The following PUM1 variants were observed in gnomAD, a reference collection of about 807,000 sequenced individuals.
PUM1 encodes pumilio RNA binding family member 1, also known as pumilio homolog 1.
Under a neutral mutation model 131.8 loss-of-function variants are expected in PUM1, and 13 were observed. That is an observed-to-expected ratio of 0.10 (90% CI 0.06 to 0.16). The LOEUF (loss-of-function observed/expected upper bound fraction) is 0.16, where lower values mean the gene tolerates loss of function less well. PUM1 is among the 10% of genes least tolerant of loss of function. The pLI, the probability that PUM1 is intolerant of heterozygous loss-of-function variation, is 1.00. For missense variants in PUM1, 961 were observed against 1,512.4 expected, an observed-to-expected ratio of 0.64 and a Z score of 6.05; for synonymous variants, 509 against 556.5, an observed-to-expected ratio of 0.91 and a Z score of 1.20.
intron 12 of PUM1, 66 bp downstream of exon 12, chr1:30,967,101 T>C: frequency 2.5e-6 from 4 of 1,583,930 alleles, no homozygotes; most frequent in Non-Finnish European, 3.5e-6. Flanking sequence ...CAACATACTT[T>C]AAGAATCTCA....
At chr1:31,055,644 T>C (rs1644219592) in intron 2 of PUM1, among the ~76,000 whole-genome samples, 1 of 152,208 alleles carries the variant, frequency 6.6e-6, no homozygotes, top group African/African-American at 2.4e-5. Context: ...GAAACAGGTT[T>C]TGCCATTTAC....
chr1:30,941,919 T>A (rs1397217633), intron 19 of PUM1, 79 bp downstream of exon 19: 1 of 1,357,768 alleles, frequency 7.4e-7, no homozygotes, highest in East Asian at 3.3e-5. Context: ...TTCTGGAACC[T>A]ACACTGACAA....
In PUM1 at chr1:31,033,813, T is replaced by C. The variant is rs560388214; in HGVS notation, c.364-4949A>G. On this transcript the variant is annotated intron_variant, in intron 2 of 21. Coordinates refer to ENST00000426105, the MANE Select transcript of PUM1 (RefSeq NM_001020658.2). ...ACACACCACCACACCCAGCTAATTG[T>C]TTTTAATTTTTTTGTAGAGACAAGG... 2.9e-4 allele frequency among the ~76,000 whole-genome samples: 44 copies of C among 152,214 alleles called. 1 individual carries two copies. The South Asian group carries it at 8.3e-3, about 29-fold the overall frequency.
chr1:30,987,730 G>A (rs1641621940), intron 7 of PUM1, among the ~76,000 whole-genome samples: 1 of 152,168 alleles, frequency 6.6e-6, no homozygotes, highest in South Asian at 2.1e-4. Context: ...CTCCAAGTCA[G>A]AGGTTCTGAA....
At chr1:31,059,989 G>A (rs1245612942) in intron 1 of PUM1, among the ~76,000 whole-genome samples, 1 of 151,518 alleles carries the variant, frequency 6.6e-6, no homozygotes, top group Non-Finnish European at 1.5e-5. Flanking sequence ...TGGTACTACA[G>A]GCGCCCACCA....
chr1:30,965,589 C>T (rs900337371), intron 13 of PUM1, among the ~76,000 whole-genome samples: 2 of 152,204 alleles, frequency 1.3e-5, no homozygotes, highest in African/African-American at 4.8e-5. Context: ...AAACTTGTAA[C>T]TCTTTAAGGC....
At chr1:30,965,223 A>T (rs1225053826) in intron 13 of PUM1, among the ~76,000 whole-genome samples, 1 of 152,190 alleles carries the variant, frequency 6.6e-6, no homozygotes, top group Non-Finnish European at 1.5e-5. Context: ...GGACTAGAAG[A>T]ATGCCTTTCA....
At chr1:31,021,919 T>C (rs1431056083) in intron 3 of PUM1, among the ~76,000 whole-genome samples, 2 of 152,004 alleles carry the variant, frequency 1.3e-5, no homozygotes, top group African/African-American at 4.8e-5. Flanking sequence ...AATGATTACA[T>C]TAACTTCTCT....
Position 30,936,635 on chromosome 1 carries a change from C to T in PUM1, c.3435+8G>A, listed in dbSNP as rs752935491. 1.6e-5 allele frequency: 26 copies of T among 1,609,610 alleles called. No individual in the cohort carries two copies. The highest frequency in any genetic ancestry group is 8.9e-5 in the East Asian group (4 of 44,814). On this transcript the variant is annotated splice_region_variant and intron_variant, in intron 21 of 21. Transcript: ENST00000426105. ...ACTTTCTCTGAGACCCTGCCCAGCC[C>T]GGCCTACCTTATGCATGACGATCTT...
chr1:30,945,315 GT>G, intron 18 of PUM1, 30 bp downstream of exon 18: 2 of 1,607,870 alleles, frequency 1.2e-6, no homozygotes, highest in Non-Finnish European at 1.7e-6. Context: ...AAATAAATTT[GT>G]TTCCATTATT....
At chr1:31,063,647 CAAA>C (rs778457828) in intron 1 of PUM1, among the ~76,000 whole-genome samples, 11 of 152,108 alleles carry the variant, frequency 7.2e-5, no homozygotes, top group Non-Finnish European at 1.6e-4. Flanking sequence ...AGTTATCTAA[CAAA>C]GAATATCCAC....
chr1:31,005,790 A>G, intron 5 of PUM1, 63 bp downstream of exon 5: 1 of 1,336,618 alleles, frequency 7.5e-7, no homozygotes, highest in Non-Finnish European at 9.7e-7. Flanking sequence ...TAGGGGAAAA[A>G]AAGAGAGAGA....
At chr1:31,048,670 T>G (rs1208477485) in intron 2 of PUM1, among the ~76,000 whole-genome samples, 16 of 151,482 alleles carry the variant, frequency 1.1e-4, no homozygotes, top group Admixed American at 1.1e-3. Flanking sequence ...GAGACGGGGT[T>G]TCACTGTGTT....
rs201450118 is a variant in PUM1, at chr1:30,942,042, G to A, written c.3076C>T (p.Pro1026Ser). ...TGCTGGTGAAGCTCCTCTAAAATAG[G>A]GAGTGTCTGGTCAGGGAGACAGTGC... Reference protein sequence around the residue: ...LEHCLPDQTLPILEELHQHTE... With the variant: ...LEHCLPDQTLSILEELHQHTE... Residue 1026 changes from proline (P) to serine (S), a missense_variant, in exon 19 of 22, where the codon CCT becomes TCT. By Grantham distance (74) the Pro-to-Ser change is moderately conservative. Transcript: ENST00000426105. 6 of 1,600,008 alleles carry A rather than the reference G, an allele frequency of 3.7e-6. No homozygotes were observed. The highest frequency in any genetic ancestry group is 1.1e-5 in the South Asian group (1 of 90,894).
chr1:30,954,232 G>A (rs554249318), intron 14 of PUM1, among the ~76,000 whole-genome samples: 1 of 152,324 alleles, frequency 6.6e-6, no homozygotes, highest in Non-Finnish European at 1.5e-5. Context: ...TAAGGCTGGA[G>A]CAACAGTTAG....
At chr1:31,063,772 A>G in intron 1 of PUM1, among the ~76,000 whole-genome samples, 1 of 152,352 alleles carries the variant, frequency 6.6e-6, no homozygotes, top group African/African-American at 2.4e-5. Flanking sequence ...TGGCTTTTGT[A>G]AAGCTATCTG....
At chr1:31,023,147 G>A (rs543240082) in intron 3 of PUM1, among the ~76,000 whole-genome samples, 14 of 151,438 alleles carry the variant, frequency 9.2e-5, no homozygotes, top group African/African-American at 3.4e-4. Flanking sequence ...GCACTCCAGC[G>A]TGGGTGACAG....
At position 31,006,985 on chromosome 1, in the gene PUM1, C is replaced by G. The variant is rs1164154905; in HGVS notation, c.541+9G>C. 6.2e-7 allele frequency: 1 copy of G among 1,602,526 alleles called. No homozygotes were observed. The highest frequency in any genetic ancestry group is 8.5e-7 in the Non-Finnish European group (1 of 1,169,832). On this transcript the variant is annotated intron_variant, in intron 4 of 21. Transcript: ENST00000426105. ...ATAAATCACAGTACAGATGCTAGAT[C>G]TAGATTACCTGATGTTCCCCAGGCA...
At chr1:31,054,808 C>A (rs1644200623) in intron 2 of PUM1, among the ~76,000 whole-genome samples, 1 of 152,102 alleles carries the variant, frequency 6.6e-6, no homozygotes, top group Middle Eastern at 3.2e-3. Context: ...AAATTTCAAG[C>A]AAAATTATGG....
Sources: allele counts gnomAD v4.1 joint callset (sites outside exome capture counted in the v4.1 genomes callset), GRCh38; gene constraint gnomAD v4.1.1; transcripts MANE v1.5; gene names NCBI Gene and HGNC (gene_info 2026-07-23, HGNC 2026-07-21).